SBF2: variants seen among roughly 807,000 people sequenced by gnomAD.
The protein encoded by SBF2 is myotubularin-related protein 13.
A neutral mutation model predicts 225.2 loss-of-function variants in SBF2; 112 were observed. The observed-to-expected ratio is 0.50, with a 90% CI of 0.43 to 0.58. SBF2 has a LOEUF of 0.58. Among genes scored for constraint, SBF2 ranks in the 20% least tolerant of loss-of-function variants. SBF2 has a pLI of 0.00. For missense variants in SBF2, 1,996 were observed against 2,206.2 expected (o/e 0.90, Z 1.91); for synonymous variants, 763 against 773.3 (o/e 0.99, Z 0.22).
intron 3 of SBF2, among the ~76,000 whole-genome samples, chr11:10,040,237 A>G (rs1273641618): frequency 2.6e-5 from 4 of 152,016 alleles, no homozygotes; most frequent in African/African-American, 9.7e-5. Flanking sequence ...TCTGACAATC[A>G]TCTGACCAAG....
intron 2 of SBF2, among the ~76,000 whole-genome samples, chr11:10,100,308 T>C (rs549473738): frequency 6.6e-6 from 1 of 152,228 alleles, no homozygotes; most frequent in Non-Finnish European, 1.5e-5. Flanking sequence ...AGGGTGAACC[T>C]GTTGGGCAGT....
At chr11:10,108,599 A>G (rs934788829) in intron 2 of SBF2, among the ~76,000 whole-genome samples, 3 of 131,106 alleles carry the variant, frequency 2.3e-5, no homozygotes, top group Admixed American at 1.0e-4. Flanking sequence ...ATCTCGGCTC[A>G]CTGCAAGCTC....
At chr11:9,876,931 G>A (rs566478557) in intron 17 of SBF2, among the ~76,000 whole-genome samples, 1 of 152,076 alleles carries the variant, frequency 6.6e-6, no homozygotes, top group Non-Finnish European at 1.5e-5. Flanking sequence ...TAAAGACAGG[G>A]TTTCACCATG....
intron 1 of SBF2, among the ~76,000 whole-genome samples, chr11:10,197,585 C>T (rs1390356525): frequency 2.0e-5 from 3 of 152,270 alleles, no homozygotes; most frequent in Admixed American, 6.5e-5. Flanking sequence ...GTGGTGGCTG[C>T]GGCAATTATT....
rs111744074 is a variant in SBF2 at position 10,277,252 on chromosome 11, T to TAAACAAACAAAG, written c.55+16762_55+16763insCTTTGTTTGTTT. Among the ~76,000 whole-genome samples the TAAACAAACAAAG allele has an allele frequency of 5.3e-3, 804 of 151,644 alleles. 8 individuals carry two copies. The highest frequency in any genetic ancestry group is 6.7e-3 in the Non-Finnish European group (452 of 67,940). On this transcript the variant is annotated intron_variant, in intron 1 of 39. Coordinates refer to ENST00000256190, the MANE Select transcript of SBF2 (RefSeq NM_030962.4). ...CTAGGCATCACAAAGACTCTGTCTCTAAACAAACAAACAAAAAATCATGCA... is the reference window on the plus strand; with the variant it reads ...CTAGGCATCACAAAGACTCTGTCTCTAAACAAACAAAGAAACAAACAAACAAAAAATCATGCA...
chr11:10,242,363 G>A (rs551483257), intron 1 of SBF2, among the ~76,000 whole-genome samples: 56 of 150,234 alleles, frequency 3.7e-4, no homozygotes, highest in Middle Eastern at 3.5e-3. Context: ...ACCCATAGTA[G>A]GTACAAAAAA....
At chr11:9,822,110 T>C (rs993037961) in intron 28 of SBF2, among the ~76,000 whole-genome samples, 1 of 152,246 alleles carries the variant, frequency 6.6e-6, no homozygotes, top group Non-Finnish European at 1.5e-5. Context: ...ATGTTTTACA[T>C]ATACTATTTA....
chr11:10,173,345 C>T (rs1394538193), intron 2 of SBF2, among the ~76,000 whole-genome samples: 2 of 152,268 alleles, frequency 1.3e-5, no homozygotes, highest in African/African-American at 2.4e-5. Context: ...TTGCCTCACT[C>T]GGGAAGCGCA....
intron 2 of SBF2, among the ~76,000 whole-genome samples, chr11:10,147,049 A>G (rs1015226472): frequency 6.7e-6 from 1 of 149,296 alleles, no homozygotes; most frequent in Non-Finnish European, 1.5e-5. Context: ...ATTATTAAAA[A>G]GTAAAAAAAA....
At chr11:10,222,701 A>G (rs1451613007) in intron 1 of SBF2, among the ~76,000 whole-genome samples, 3 of 152,210 alleles carry the variant, frequency 2.0e-5, no homozygotes, top group Non-Finnish European at 4.4e-5. Flanking sequence ...AAGGAAAGAG[A>G]GCATCGGATA....
intron 25 of SBF2, among the ~76,000 whole-genome samples, chr11:9,841,953 CGGT>C: frequency 1.3e-5 from 2 of 152,214 alleles, no homozygotes; most frequent in East Asian, 3.9e-4. Context: ...GCAAAACCAC[CGGT>C]GACTGATTCT....
At chr11:10,130,838 C>T (rs537133896) in intron 2 of SBF2, among the ~76,000 whole-genome samples, 2 of 152,138 alleles carry the variant, frequency 1.3e-5, no homozygotes, top group African/African-American at 2.4e-5. Flanking sequence ...ATGCTCCTGA[C>T]TGAGATCTGT....
intron 17 of SBF2, among the ~76,000 whole-genome samples, chr11:9,886,699 G>GTTTTGTTTT (rs1554941774): frequency 4.5e-5 from 6 of 133,740 alleles, no homozygotes; most frequent in Admixed American, 3.8e-4. Flanking sequence ...TGATTCATGT[G>GTTTTGTTTT]TTTTTTTTTT....
At position 9,818,157 on chromosome 11, in the gene SBF2, C is replaced by A. The variant is rs188289685; in HGVS notation, c.3794-1133G>T. On this transcript the variant is annotated intron_variant, in intron 28 of 39. Coordinates refer to ENST00000256190, the MANE Select transcript of SBF2 (RefSeq NM_030962.4). ...ACGGGGTTTCTTCATGTTGATCAGG[C>A]TGGTCTCGAACTCCCGACCTCAGGT... Among the ~76,000 whole-genome samples the A allele has an allele frequency of 9.0e-3, 1,365 of 152,154 alleles. 79 individuals carry two copies. Among genetic ancestry groups the A allele is most frequent in the Admixed American group, 0.081 (1,240 of 15,270 alleles).
intron 33 of SBF2, chr11:9,790,935 A>G (rs1388899489): frequency 8.0e-6 from 3 of 374,940 alleles, no homozygotes; most frequent in African/African-American, 6.2e-5. Flanking sequence ...TCTATCAATC[A>G]TGACTCTTCC....
At chr11:10,002,437 G>C in intron 7 of SBF2, 120 bp downstream of exon 7, 1 of 814,168 alleles carries the variant, frequency 1.2e-6, no homozygotes, top group Non-Finnish European at 2.0e-6. Flanking sequence ...TCATATAACA[G>C]CATAACTTTG....
intron 28 of SBF2, 55 bp from the exon 29 acceptor site, chr11:9,817,079 A>G: frequency 1.3e-6 from 2 of 1,591,440 alleles, no homozygotes; most frequent in Non-Finnish European, 1.7e-6. Flanking sequence ...AATGCCACTA[A>G]CTAAGGAAAA....
chr11:9,843,573 A>G (rs1856321965), intron 24 of SBF2, among the ~76,000 whole-genome samples: 1 of 152,176 alleles, frequency 6.6e-6, no homozygotes, highest in African/African-American at 2.4e-5. Context: ...ACTGTTCTTG[A>G]TTATATTCTT....
chr11:10,175,987 A>G (rs1956444929), intron 2 of SBF2, among the ~76,000 whole-genome samples: 1 of 141,056 alleles, frequency 7.1e-6, no homozygotes, highest in Non-Finnish European at 1.6e-5. Flanking sequence ...ACAACATACC[A>G]GAATCTCTGG....
Sources: gnomAD v4.1 joint callset for allele counts (sites outside exome capture counted in the v4.1 genomes callset) on GRCh38, gnomAD v4.1.1 for gene constraint, MANE v1.5 for transcripts, NCBI Gene and HGNC (gene_info 2026-07-23, HGNC 2026-07-21) for gene names.